Variants in PHC2 observed in about 807,000 individuals in gnomAD.
PHC2 encodes the protein polyhomeotic homolog 2, also known as polyhomeotic-like protein 2.
PHC2 carries 29 observed loss-of-function variants against 87.4 expected under a neutral mutation model. The observed-to-expected ratio is 0.33, with a 90% CI of 0.25 to 0.45. The LOEUF is 0.45. Ranked by LOEUF, PHC2 falls within the 20% of genes least tolerant of loss-of-function variation. PHC2 has a pLI of 1.00. For missense variants in PHC2, 857 were observed against 1,136.7 expected (o/e 0.75, Z 3.54); for synonymous variants, 438 against 461.7 (o/e 0.95, Z 0.66).
At chr1:33,383,114 T>TA (rs1648567153) in intron 1 of PHC2, among the ~76,000 whole-genome samples, 1 of 152,170 alleles carries the variant, frequency 6.6e-6, no homozygotes, top group Non-Finnish European at 1.5e-5. Flanking sequence ...GCCAGAGGCA[T>TA]AAGGCAGTAA....
chr1:33,349,744 C>T lies in PHC2; in HGVS notation c.1558+4657G>A. On this transcript the variant is annotated intron_variant, in intron 9 of 14. Coordinates refer to ENST00000683057, the MANE Select transcript of PHC2 (RefSeq NM_001385109.1). The surrounding 1 kb of genome is among the most constrained non-coding windows in gnomAD (Gnocchi z 4.2). ...GGGGCCCGGGGCTGCCGCGGCGCAT[C>T]CGACCGCACCGGCCTGGCCGGCGTC... 1.0e-6 allele frequency: 1 copy of T among 992,292 alleles called. No individual in the cohort carries two copies. Among genetic ancestry groups the T allele is most frequent in the Admixed American group, 5.6e-5 (1 of 17,706 alleles). The allele number at this position is 992,292 out of a possible 1,614,324, so 61.5% of individuals were successfully genotyped here.
chr1:33,403,645 T>C (rs1160675107), intron 1 of PHC2, among the ~76,000 whole-genome samples: 1 of 152,208 alleles, frequency 6.6e-6, no homozygotes, highest in Non-Finnish European at 1.5e-5. Context: ...TCATATCAAA[T>C]ATCTACTCTA....
chr1:33,343,563 G>A (rs1646788610), intron 9 of PHC2, among the ~76,000 whole-genome samples: 1 of 151,528 alleles, frequency 6.6e-6, no homozygotes, highest in African/African-American at 2.4e-5. Context: ...TCTATGAAAT[G>A]GGATACTTAT....
chr1:33,333,657 G>GT, intron 10 of PHC2: 1 of 175,146 alleles, frequency 5.7e-6, no homozygotes, highest in South Asian at 1.1e-4. Context: ...TCTGATACAC[G>GT]TATCTGGAGA....
chr1:33,334,184 C>G lies in PHC2; in HGVS notation c.1667G>C (p.Gly556Ala). Reference sequence around the variant, plus strand: ...AATGGCCTGTGGTGGTTTATTCTCACCATTCTGGGGGGCAGTGCCGGCGAT... The same window carrying G: ...AATGGCCTGTGGTGGTTTATTCTCAGCATTCTGGGGGGCAGTGCCGGCGAT... ...SSIAGTAPQNGENKPPQAIVK... is the reference protein window; with the variant it reads ...SSIAGTAPQNAENKPPQAIVK... Residue 556 changes from glycine to alanine, a missense_variant, in exon 10 of 15, where the codon GGT (glycine) becomes GCT (alanine). Gly to Ala is a moderately conservative substitution (Grantham distance 60, BLOSUM62 0). Transcript: ENST00000683057. The surrounding 1 kb of genome is among the most constrained non-coding windows in gnomAD (Gnocchi z 5.5). 1 of 1,613,466 alleles carries G rather than the reference C, an allele frequency of 6.2e-7. No homozygotes were observed. The highest frequency in any genetic ancestry group is 8.5e-7 in the Non-Finnish European group (1 of 1,179,850).
rs540517832 is a variant in PHC2, at chr1:33,329,996, C to G, written c.2148+75G>C. 5 of 1,526,570 alleles carry G rather than the reference C, an allele frequency of 3.3e-6. No individual in the cohort carries two copies. The East Asian group carries it at 1.1e-4, about 35-fold the overall frequency. The allele number at this position is 1,526,570 out of a possible 1,614,324, so 94.6% of individuals were successfully genotyped here. The stretch of plus-strand genomic sequence containing the variant: ...GCTGAAGTCGGCAGCTGGAGGGGAC[C>G]GTGGTGTCGAGGGCCATGGAAGGGA... On this transcript the variant is annotated intron_variant, in intron 13 of 14. Transcript: ENST00000683057.
chr1:33,379,160 G>A (rs964667248), intron 1 of PHC2, among the ~76,000 whole-genome samples: 4 of 151,772 alleles, frequency 2.6e-5, no homozygotes, highest in African/African-American at 9.7e-5. Context: ...GCAGGGGAGA[G>A]AGACTTACTG....
chr1:33,350,485 AC>A (rs1472737196), intron 9 of PHC2: 1 of 152,266 alleles, frequency 6.6e-6, no homozygotes, highest in African/African-American at 2.4e-5. Flanking sequence ...CACCGGGTGA[AC>A]CTGCGCTGTC....
At position 33,349,923 on chromosome 1, in the gene PHC2, G is replaced by A. The variant is rs1342907035; in HGVS notation, c.1558+4478C>T. ...GCGGCGAGTCTGGGACGGCTCCCGCGGCCGCCTCCGCCGGGGGCGGGGCGA... is the reference window on the plus strand; with the variant it reads ...GCGGCGAGTCTGGGACGGCTCCCGCAGCCGCCTCCGCCGGGGGCGGGGCGA... On this transcript the variant is annotated intron_variant, in intron 9 of 14. Coordinates refer to ENST00000683057, the MANE Select transcript of PHC2 (RefSeq NM_001385109.1). The surrounding 1 kb of genome is among the most constrained non-coding windows in gnomAD (Gnocchi z 4.2). The A allele has an allele frequency of 1.7e-5, 16 of 946,216 alleles. No homozygotes were observed. The highest frequency in any genetic ancestry group is 2.0e-5 in the Non-Finnish European group (16 of 796,714). 58.6% of individuals were successfully genotyped at this position (946,216 alleles called of 1,614,324 possible). A position where few individuals can be genotyped will look rare whatever the true frequency, so the allele number is the denominator to read the frequency against.
chr1:33,419,324 T>G (rs932665805), intron 1 of PHC2, among the ~76,000 whole-genome samples: 1 of 152,306 alleles, frequency 6.6e-6, no homozygotes, highest in East Asian at 1.9e-4. Flanking sequence ...GATGACAAAC[T>G]TAGTGGCTTA....
At chr1:33,395,549 G>A (rs1649258892) in intron 1 of PHC2, among the ~76,000 whole-genome samples, 1 of 152,136 alleles carries the variant, frequency 6.6e-6, no homozygotes, top group Non-Finnish European at 1.5e-5. Context: ...GCAATTTATT[G>A]TGAAATGCAT....
At chr1:33,353,906 G>A (rs987167006) in intron 9 of PHC2, among the ~76,000 whole-genome samples, 1 of 152,196 alleles carries the variant, frequency 6.6e-6, no homozygotes, top group African/African-American at 2.4e-5. Flanking sequence ...GGACAGATGG[G>A]GATCCCAGAG....
intron 1 of PHC2, among the ~76,000 whole-genome samples, chr1:33,419,831 G>A (rs982666523): frequency 2.6e-5 from 4 of 151,594 alleles, no homozygotes; most frequent in African/African-American, 9.7e-5. Flanking sequence ...GGATGGTCTC[G>A]ATCTCCTGAC....
chr1:33,330,310 C>G, intron 12 of PHC2, 98 bp from the exon 13 acceptor site: 3 of 1,337,628 alleles, frequency 2.2e-6, no homozygotes, highest in Non-Finnish European at 3.2e-6. Context: ...AATTTTGAGT[C>G]CATCTATTGG....
In PHC2 at chr1:33,349,915, G is replaced by GCTCCCGCGGCCGC. The variant is rs1319455786; in HGVS notation, c.1558+4473_1558+4485dup. ...GAGACAATGCGGCGAGTCTGGGACG[G>GCTCCCGCGGCCGC]CTCCCGCGGCCGCCTCCGCCGGGGG... On this transcript the variant is annotated intron_variant, in intron 9 of 14. Coordinates refer to ENST00000683057, the MANE Select transcript of PHC2 (RefSeq NM_001385109.1). This position sits in a 1 kb window ranked among gnomAD's most constrained non-coding sequence, Gnocchi z 4.2. 20 of 965,686 alleles carry GCTCCCGCGGCCGC rather than the reference G, an allele frequency of 2.1e-5. No individual in the cohort carries two copies. The African/African-American group carries it at 3.4e-4, about 16-fold the overall frequency. The allele number at this position is 965,686 out of a possible 1,614,324, so 59.8% of individuals were successfully genotyped here.
At chr1:33,398,171 T>C (rs1348268989) in intron 1 of PHC2, among the ~76,000 whole-genome samples, 1 of 152,202 alleles carries the variant, frequency 6.6e-6, no homozygotes, top group Non-Finnish European at 1.5e-5. Context: ...AAGGCTTGAG[T>C]GCAGAGGTAG....
intron 4 of PHC2, 45 bp from the exon 5 acceptor site, chr1:33,370,630 G>A (rs866708005): frequency 6.4e-7 from 1 of 1,552,326 alleles, no homozygotes; most frequent in Non-Finnish European, 8.8e-7. Flanking sequence ...GGTTCTGTTG[G>A]TGAGCTGTGT....
At position 33,323,840 on chromosome 1, in the gene PHC2, G is replaced by A. The variant is rs538901843; in HGVS notation, c.*1025C>T. ...CAAATTGCTGCTAGGAAGATTTATA[G>A]GCAAAGAAGTGTGGGAGTGGGAGGC... On this transcript the variant is annotated 3_prime_UTR_variant, in exon 15 of 15. Coordinates refer to ENST00000683057, the MANE Select transcript of PHC2 (RefSeq NM_001385109.1). 1 of 152,584 alleles carries A rather than the reference G, an allele frequency of 6.6e-6. No individual in the cohort carries two copies. The highest frequency in any genetic ancestry group is 6.5e-5 in the Admixed American group (1 of 15,278). The allele number at this position is 152,584 out of a possible 1,614,324, so 9.5% of individuals were successfully genotyped here.
intron 1 of PHC2, among the ~76,000 whole-genome samples, chr1:33,380,253 T>A (rs754342488): frequency 6.6e-6 from 1 of 152,210 alleles, no homozygotes; most frequent in Non-Finnish European, 1.5e-5. Flanking sequence ...TGTGCAATCA[T>A]CACCACCATC....
Sources: allele counts gnomAD v4.1 joint callset (sites outside exome capture counted in the v4.1 genomes callset), GRCh38; gene constraint gnomAD v4.1.1; non-coding constraint Gnocchi (gnomAD v3.1); transcripts MANE v1.5; gene names NCBI Gene and HGNC (gene_info 2026-07-23, HGNC 2026-07-21).